MICA: variants seen among roughly 807,000 people sequenced by gnomAD.
The protein encoded by MICA is HLA class I antigen.
MICA carries 18 observed loss-of-function variants against 34.3 expected under a neutral mutation model. The ratio of observed to expected loss-of-function variants is 0.52; its 90% confidence interval spans 0.36 to 0.78. The LOEUF is 0.78. Ranked by LOEUF, MICA falls within the 30% of genes least tolerant of loss-of-function variation. MICA has a pLI of 0.00. For missense variants in MICA, 333 were observed against 409.4 expected (o/e 0.81, Z 1.61); for synonymous variants, 135 against 156.9 (o/e 0.86, Z 1.04).
intron 1 of MICA, among the ~76,000 whole-genome samples, chr6:31,405,764 G>A (rs1770714435): frequency 6.6e-6 from 1 of 151,712 alleles, no homozygotes; most frequent in African/African-American, 2.4e-5. Context: ...CTCTCCCCAT[G>A]AGGTCCATTG....
chr6:31,407,023 T>A (rs149503592), intron 1 of MICA, among the ~76,000 whole-genome samples: 55 of 152,018 alleles, frequency 3.6e-4, no homozygotes, highest in Middle Eastern at 3.4e-3. Flanking sequence ...CAGGATAGCT[T>A]TATCTATTCT....
rs2113750305 is a variant in MICA at position 31,410,448 on chromosome 6, G to GTCT, written c.71-95_71-94insTCT. On this transcript the variant is annotated intron_variant, in intron 1 of 5. Transcript: ENST00000449934. ...GTCCCTTTGCCCGTGTGCATTTCCT[G>GTCT]CCCCAGGAAGGTTGGGACAGCAGAC... 5 of 1,113,492 alleles carry GTCT rather than the reference G, an allele frequency of 4.5e-6. No homozygotes were observed. The East Asian group carries it at 1.3e-4, about 30-fold the overall frequency. 69.0% of individuals were successfully genotyped at this position (1,113,492 alleles called of 1,614,324 possible). A position where few individuals can be genotyped will look rare whatever the true frequency, so the allele number is the denominator to read the frequency against.
At position 31,411,952 on chromosome 6, in the gene MICA, C is replaced by G; in HGVS notation, c.619C>G (p.Pro207Ala). The change falls in exon 4 of 6, where the codon CCC (proline) becomes GCC (alanine). Residue 207 changes from proline (P) to alanine (A), a missense_variant. Transcript: ENST00000449934. This position sits in a 1 kb window ranked among gnomAD's most constrained non-coding sequence, Gnocchi z 4.3. ...CTCTGCCCTTTCTTCTCCAGTGCCC[C>G]CCATGGTGAATGTCACCCGCAGCGA... ...SGVVLRRTVP[P>A]MVNVTRSEAS... 12 of 1,611,934 alleles carry G rather than the reference C, an allele frequency of 7.4e-6. No homozygotes were observed. Among genetic ancestry groups the G allele is most frequent in the Non-Finnish European group, 1.0e-5 (12 of 1,179,144 alleles).
rs114673459 is a variant in MICA, at chr6:31,405,980, C to T, written c.70+2278C>T. 4.2e-3 allele frequency among the ~76,000 whole-genome samples: 640 copies of T among 152,034 alleles called. 16 individuals are homozygous for T. The East Asian group carries it at 0.052, about 12-fold the overall frequency. On this transcript the variant is annotated intron_variant, in intron 1 of 5. Coordinates refer to ENST00000449934, the MANE Select transcript of MICA (RefSeq NM_001177519.3). ...TTAGATTGCTTGCAGATCTTGGCTA[C>T]TTTGAATAGTGCTGCAATAAACATG...
Position 31,403,659 on chromosome 6 carries a change from T to A in MICA, c.27T>A (p.Leu9=). 6.5e-7 allele frequency: 1 copy of A among 1,531,356 alleles called. No homozygotes were observed. The highest frequency in any genetic ancestry group is 8.8e-7 in the Non-Finnish European group (1 of 1,139,494). 94.9% of individuals were successfully genotyped at this position (1,531,356 alleles called of 1,614,324 possible). A position where few individuals can be genotyped will look rare whatever the true frequency, so the allele number is the denominator to read the frequency against. The change falls in exon 1 of 6, where the codon CTT becomes CTA. Residue 9 remains leucine (L), a synonymous_variant. Coordinates refer to ENST00000449934, the MANE Select transcript of MICA (RefSeq NM_001177519.3). This position sits in a 1 kb window ranked among gnomAD's most constrained non-coding sequence, Gnocchi z 4.7. The part of the protein sequence containing the change: MGLGPVFL[L]LAGIFPFAPP... ...TGGGGCTGGGCCCGGTCTTTCTGCT[T>A]CTGGCTGGCATCTTCCCTTTTGCAC...
chr6:31,412,471 C>T lies in MICA; in HGVS notation c.*29+11C>T, dbSNP rs546566776. 26 of 1,534,646 alleles carry T rather than the reference C, an allele frequency of 1.7e-5. No homozygotes were observed. The Admixed American group carries it at 2.4e-4, about 14-fold the overall frequency. On this transcript the variant is annotated intron_variant, in intron 5 of 5. Transcript: ENST00000449934. Reference sequence around the variant, plus strand: ...CTGCAGAGGGTCCAGGTGAGAAAAGCGGGCAGTTTCTGGAGATGGTAAGGC... The same window carrying T: ...CTGCAGAGGGTCCAGGTGAGAAAAGTGGGCAGTTTCTGGAGATGGTAAGGC...
chr6:31,407,637 C>T (rs1159680013), intron 1 of MICA, among the ~76,000 whole-genome samples: 1 of 151,904 alleles, frequency 6.6e-6, no homozygotes, highest in African/African-American at 2.4e-5. Context: ...AAATGGGATT[C>T]GTTTCTTGAT....
At chr6:31,412,968 G>T (rs6934097) in intron 5 of MICA, among the ~76,000 whole-genome samples, 3 of 151,142 alleles carry the variant, frequency 2.0e-5, no homozygotes, top group African/African-American at 7.3e-5. Flanking sequence ...GGCGGACACC[G>T]AGAAAAAGAC....
chr6:31,411,919 T>C lies in MICA; in HGVS notation c.614-28T>C, dbSNP rs775065651. On this transcript the variant is annotated intron_variant, in intron 3 of 5. Transcript: ENST00000449934. The surrounding 1 kb of genome is among the most constrained non-coding windows in gnomAD (Gnocchi z 4.3). The stretch of plus-strand genomic sequence containing the variant: ...TCCCCTCCTTAGAGGGGAGCAGGGC[T>C]TCACTGGCTCTGCCCTTTCTTCTCC... The C allele has an allele frequency of 1.2e-6, 2 of 1,600,084 alleles. No individual in the cohort carries two copies. The highest frequency in any genetic ancestry group is 1.7e-6 in the Non-Finnish European group (2 of 1,173,298).
chr6:31,402,756 G>A (rs559290127), upstream of MICA, among the ~76,000 whole-genome samples: 8 of 151,886 alleles, frequency 5.3e-5, no homozygotes, highest in African/African-American at 1.5e-4. Flanking sequence ...GGTGGCAGAC[G>A]TATAGAGAGT....
At chr6:31,414,290 C>T (rs1771381912) in intron 5 of MICA, among the ~76,000 whole-genome samples, 1 of 152,022 alleles carries the variant, frequency 6.6e-6, no homozygotes, top group Non-Finnish European at 1.5e-5. Flanking sequence ...GAAGGCCTCG[C>T]AGCCTCACCA....
In MICA at chr6:31,411,401, G is replaced by A; in HGVS notation, c.613+42G>A. On this transcript the variant is annotated intron_variant, in intron 3 of 5. Coordinates refer to ENST00000449934, the MANE Select transcript of MICA (RefSeq NM_001177519.3). The surrounding 1 kb of genome is among the most constrained non-coding windows in gnomAD (Gnocchi z 4.3). ...GGGGCTCTCCTCTCCCTCCAATTCT[G>A]CTAGAGTTGCCTCACCTCCCAGATG... is the stretch of plus-strand genomic sequence containing the variant. The A allele has an allele frequency of 6.6e-7, 1 of 1,514,554 alleles. No individual in the cohort carries two copies. Among genetic ancestry groups the A allele is most frequent in the South Asian group, 1.3e-5 (1 of 78,314 alleles). 93.8% of individuals were successfully genotyped at this position (1,514,554 alleles called of 1,614,324 possible).
chr6:31,413,452 G>C (rs1253957040), intron 5 of MICA, among the ~76,000 whole-genome samples: 2 of 151,884 alleles, frequency 1.3e-5, no homozygotes, highest in African/African-American at 2.4e-5. Context: ...GGGACGGTCA[G>C]AATCATTTCC....
At position 31,404,532 on chromosome 6, in the gene MICA, T is replaced by C. The variant is rs535388292; in HGVS notation, c.70+830T>C. ...GGGTGTCCTCTGCCCTCATCCCCTG[T>C]CCCCGCCACCGAAGGTCCCTCCTGC... On this transcript the variant is annotated intron_variant, in intron 1 of 5. Coordinates refer to ENST00000449934, the MANE Select transcript of MICA (RefSeq NM_001177519.3). Among the ~76,000 whole-genome samples, 65 of 151,816 alleles carry C rather than the reference T, an allele frequency of 4.3e-4. 1 individual carries two copies. Among genetic ancestry groups the C allele is most frequent in the Middle Eastern group, 3.4e-3 (1 of 294 alleles).
At position 31,412,156 on chromosome 6, in the gene MICA, G is replaced by C; in HGVS notation, c.823G>C (p.Gly275Arg). ...CTGGGTGGCCACCAGGATTTGCCGA[G>C]GAGAGGAGCAGAGGTTCACCTGCTA... ...QTWVATRICR[G>R]EEQRFTCYME... Residue 275 changes from glycine (G) to arginine (R), a missense_variant, in exon 4 of 6, where the codon GGA becomes CGA. Coordinates refer to ENST00000449934, the MANE Select transcript of MICA (RefSeq NM_001177519.3). 6.2e-7 allele frequency: 1 copy of C among 1,612,654 alleles called. No homozygotes were observed.
Position 31,411,087 on chromosome 6 carries a change from A to G in MICA, c.341A>G (p.Gln114Arg), listed in dbSNP as rs41558312. 53,762 of 1,599,074 alleles carry G rather than the reference A, an allele frequency of 0.034. 1,239 individuals are homozygous for G. Among genetic ancestry groups the G allele is most frequent in the South Asian group, 0.048 (4,260 of 88,828 alleles). The change falls in exon 3 of 6, where the codon CAG becomes CGG. Residue 114 changes from glutamine to arginine, a missense_variant. Gln to Arg is a conservative substitution (Grantham distance 43, BLOSUM62 1). Coordinates refer to ENST00000449934, the MANE Select transcript of MICA (RefSeq NM_001177519.3). This position sits in a 1 kb window ranked among gnomAD's most constrained non-coding sequence, Gnocchi z 4.3. Reference sequence around the variant, plus strand: ...GTGGGGGCAGGCTTGCATTCCCTCCAGGAGATTAGGGTCTGTGAGATCCAT... The same window carrying G: ...GTGGGGGCAGGCTTGCATTCCCTCCGGGAGATTAGGGTCTGTGAGATCCAT... ...KDQKEGLHSL[Q>R]EIRVCEIHED...
chr6:31,411,779 T>C lies in MICA; in HGVS notation c.614-168T>C, dbSNP rs1380487477. Among the ~76,000 whole-genome samples the C allele has an allele frequency of 6.6e-6, 1 of 151,756 alleles. No individual in the cohort carries two copies. The highest frequency in any genetic ancestry group is 1.5e-5 in the Non-Finnish European group (1 of 67,988). On this transcript the variant is annotated intron_variant, in intron 3 of 5. Coordinates refer to ENST00000449934, the MANE Select transcript of MICA (RefSeq NM_001177519.3). The surrounding 1 kb of genome is among the most constrained non-coding windows in gnomAD (Gnocchi z 4.3). Reference sequence around the variant, plus strand: ...CCTGAGGCCACAGTCCCAAGGCCCATCCTCCTGCCAGCCTGGAAGAACTGG... The same window carrying C: ...CCTGAGGCCACAGTCCCAAGGCCCACCCTCCTGCCAGCCTGGAAGAACTGG...
rs570782475 is a variant in MICA at position 31,412,297 on chromosome 6, C to T, written c.893-28C>T. The T allele has an allele frequency of 3.1e-6, 5 of 1,599,154 alleles. 1 individual carries two copies. The African/African-American group carries it at 4.2e-5, about 14-fold the overall frequency. On this transcript the variant is annotated intron_variant, in intron 4 of 5. Coordinates refer to ENST00000449934, the MANE Select transcript of MICA (RefSeq NM_001177519.3). ...GCAGGGATGGCTGTGGCTCTCTGCC[C>T]AGTGTATAACAAGTCCCTTTTTTTC...
chr6:31,403,782 C>A lies in MICA; in HGVS notation c.70+80C>A, dbSNP rs2113720867. The A allele has an allele frequency of 1.5e-6, 2 of 1,378,038 alleles. No individual in the cohort carries two copies. The highest frequency in any genetic ancestry group is 2.0e-6 in the Non-Finnish European group (2 of 1,023,586). 85.4% of individuals were successfully genotyped at this position (1,378,038 alleles called of 1,614,324 possible). Reference sequence around the variant, plus strand: ...GGGGTCGGGTGGGTAGCGGCGAGCGCTGTGCGGTCAGGGCGGGGCTCCTGT... The same window carrying A: ...GGGGTCGGGTGGGTAGCGGCGAGCGATGTGCGGTCAGGGCGGGGCTCCTGT... On this transcript the variant is annotated intron_variant, in intron 1 of 5. Coordinates refer to ENST00000449934, the MANE Select transcript of MICA (RefSeq NM_001177519.3). This position sits in a 1 kb window ranked among gnomAD's most constrained non-coding sequence, Gnocchi z 4.7.
Sources: gnomAD v4.1 joint callset for allele counts (sites outside exome capture counted in the v4.1 genomes callset) on GRCh38, gnomAD v4.1.1 for gene constraint, Gnocchi (gnomAD v3.1) non-coding constraint, MANE v1.5 for transcripts, NCBI Gene and HGNC (gene_info 2026-07-23, HGNC 2026-07-21) for gene names.